The following SLC25A21 variants were observed in gnomAD, a reference collection of about 807,000 sequenced individuals.
SLC25A21 encodes the protein solute carrier family 25 member 21, also known as mitochondrial 2-oxodicarboxylate carrier.
In SLC25A21, 47 loss-of-function variants were observed where a neutral mutation model predicts 43.8. That is an observed-to-expected ratio of 1.07 (90% CI 0.85 to 1.37). The LOEUF is 1.37. Ranked by LOEUF, SLC25A21 falls within the 40% of genes most tolerant of loss-of-function variation. The pLI is 0.00. For missense variants in SLC25A21, 352 were observed against 350.2 expected (o/e 1.00, Z -0.04); for synonymous variants, 131 against 121.3 (o/e 1.08, Z -0.52).
rs1487036304 is a variant in SLC25A21 at position 36,779,583 on chromosome 14, AAAAG to A, written c.203+34331_203+34334del. On this transcript the variant is annotated intron_variant, in intron 3 of 9. Coordinates refer to ENST00000331299, the MANE Select transcript of SLC25A21 (RefSeq NM_030631.4). ...TATGAAGAATATTATCCAGTCTTTTAAAAGAAAGGAATGTATATGTGTATACATA... is the reference window on the plus strand; with the variant it reads ...TATGAAGAATATTATCCAGTCTTTTAAAAGGAATGTATATGTGTATACATA... Among the ~76,000 whole-genome samples the A allele has an allele frequency of 5.7e-5, 8 of 139,244 alleles. No homozygotes were observed. In the East Asian group the frequency reaches 6.1e-4, roughly 11 times the overall value. 91.3% of individuals were successfully genotyped at this position (139,244 alleles called of 152,430 possible).
At chr14:36,835,382 T>C (rs546669234) in intron 2 of SLC25A21, among the ~76,000 whole-genome samples, 39 of 152,228 alleles carry the variant, frequency 2.6e-4, no homozygotes, top group Admixed American at 1.6e-3. Flanking sequence ...CCTGAACCAA[T>C]AGGACACGAG....
chr14:37,154,119 G>C (rs933754911), intron 1 of SLC25A21, among the ~76,000 whole-genome samples: 1 of 151,860 alleles, frequency 6.6e-6, no homozygotes, highest in Admixed American at 6.6e-5. Context: ...CGTCACCCTG[G>C]GGCACAAAGA....
chr14:37,101,768 G>GA (rs1962821472), intron 1 of SLC25A21, among the ~76,000 whole-genome samples: 1 of 152,110 alleles, frequency 6.6e-6, no homozygotes, highest in Non-Finnish European at 1.5e-5. Context: ...TATAGGTATA[G>GA]AAAATGCAAT....
chr14:36,937,459 G>C (rs1477965771), intron 1 of SLC25A21, among the ~76,000 whole-genome samples: 1 of 152,180 alleles, frequency 6.6e-6, no homozygotes, highest in African/African-American at 2.4e-5. Context: ...AGTGACATTG[G>C]TTTCCATTGC....
rs551164449 is a variant in SLC25A21 at position 36,788,470 on chromosome 14, T to C, written c.203+25448A>G. ...AGGCTGAGCCACCGAGGCAGGCGGC[T>C]GGGTACGCCATTTCTCCATAGCCCA... is the stretch of plus-strand genomic sequence containing the variant. On this transcript the variant is annotated intron_variant, in intron 3 of 9. Transcript: ENST00000331299. Among the ~76,000 whole-genome samples, 5 of 149,430 alleles carry C rather than the reference T, an allele frequency of 3.3e-5. No homozygotes were observed. The Admixed American group carries it at 3.3e-4, about 10-fold the overall frequency.
At chr14:37,159,044 TA>T (rs1306912804) in intron 1 of SLC25A21, among the ~76,000 whole-genome samples, 2 of 151,944 alleles carry the variant, frequency 1.3e-5, no homozygotes, top group African/African-American at 4.8e-5. Context: ...AAAAGATCTA[TA>T]CAAGGAAAAC....
intron 1 of SLC25A21, among the ~76,000 whole-genome samples, chr14:36,903,387 G>A (rs1369440948): frequency 1.3e-5 from 2 of 151,896 alleles, no homozygotes; most frequent in Admixed American, 1.3e-4. Flanking sequence ...CAAGGTGGGT[G>A]GATCACTTGA....
chr14:37,161,544 T>A (rs553430781), intron 1 of SLC25A21, among the ~76,000 whole-genome samples: 7 of 152,116 alleles, frequency 4.6e-5, no homozygotes, highest in Non-Finnish European at 1.0e-4. Context: ...GAATGTGACT[T>A]TATTTGGAAA....
At chr14:36,770,001 T>C (rs547541036) in intron 3 of SLC25A21, among the ~76,000 whole-genome samples, 4 of 152,308 alleles carry the variant, frequency 2.6e-5, no homozygotes, top group South Asian at 2.1e-4. Flanking sequence ...GCCACATATC[T>C]GTAGTAAGCC....
intron 4 of SLC25A21, among the ~76,000 whole-genome samples, chr14:36,733,838 G>A (rs1884927218): frequency 6.6e-6 from 1 of 152,126 alleles, no homozygotes; most frequent in African/African-American, 2.4e-5. Context: ...GTCAGATTGA[G>A]TTCTTTTGCC....
At chr14:37,016,592 G>A (rs1960862407) in intron 1 of SLC25A21, among the ~76,000 whole-genome samples, 1 of 151,994 alleles carries the variant, frequency 6.6e-6, no homozygotes, top group Non-Finnish European at 1.5e-5. Context: ...AGTGAGCACT[G>A]GCCTCAACTC....
chr14:36,733,925 T>C (rs562069236), intron 4 of SLC25A21, among the ~76,000 whole-genome samples: 1 of 152,146 alleles, frequency 6.6e-6, no homozygotes, highest in Admixed American at 6.5e-5. Context: ...TCTACAGTTA[T>C]GTGGTTAAGT....
chr14:36,810,043 T>C (rs1594607647), intron 3 of SLC25A21, among the ~76,000 whole-genome samples: 1 of 152,336 alleles, frequency 6.6e-6, no homozygotes, highest in East Asian at 1.9e-4. Context: ...AACCCAGGGC[T>C]ATGAAATGCT....
intron 1 of SLC25A21, among the ~76,000 whole-genome samples, chr14:36,892,590 C>A (rs971839391): frequency 2.0e-5 from 3 of 151,916 alleles, no homozygotes; most frequent in Non-Finnish European, 4.4e-5. Context: ...GGTACGTGTG[C>A]ACAATGTGCA....
intron 7 of SLC25A21, among the ~76,000 whole-genome samples, chr14:36,702,947 G>C (rs1883346276): frequency 6.6e-6 from 1 of 152,102 alleles, no homozygotes; most frequent in Non-Finnish European, 1.5e-5. Flanking sequence ...CCCCACTAGG[G>C]AGTCTGTGCA....
chr14:36,778,195 C>G (rs1304005106), intron 3 of SLC25A21, among the ~76,000 whole-genome samples: 1 of 152,236 alleles, frequency 6.6e-6, no homozygotes, highest in Non-Finnish European at 1.5e-5. Flanking sequence ...ACCCTCTTCT[C>G]CAAGGCATTT....
chr14:37,159,153 A>C (rs978966205), intron 1 of SLC25A21, among the ~76,000 whole-genome samples: 1 of 152,026 alleles, frequency 6.6e-6, no homozygotes, highest in Admixed American at 6.6e-5. Flanking sequence ...AAATGACAAG[A>C]TTGCCCAAAG....
intron 1 of SLC25A21, among the ~76,000 whole-genome samples, chr14:36,903,758 C>CAA (rs1426418570): frequency 6.6e-6 from 1 of 151,224 alleles, no homozygotes; most frequent in Non-Finnish European, 1.5e-5. Flanking sequence ...TCCCACCATT[C>CAA]AACAACCTGC....
chr14:36,697,421 T>G (rs1883075387), intron 7 of SLC25A21, among the ~76,000 whole-genome samples: 1 of 152,214 alleles, frequency 6.6e-6, no homozygotes. Flanking sequence ...AGATGTCTAT[T>G]AAGTCTGCTT....
Sources: gnomAD v4.1 joint callset for allele counts (sites outside exome capture counted in the v4.1 genomes callset) on GRCh38, gnomAD v4.1.1 for gene constraint, MANE v1.5 for transcripts, NCBI Gene and HGNC (gene_info 2026-07-23, HGNC 2026-07-21) for gene names.